The following TMEM182 variants were observed in gnomAD, a reference collection of about 807,000 sequenced individuals.
The protein encoded by TMEM182 is transmembrane protein 182.
In TMEM182, 20 loss-of-function variants were observed where a neutral mutation model predicts 26.8. The ratio of observed to expected loss-of-function variants is 0.75; its 90% CI spans 0.53 to 1.09. TMEM182 has a LOEUF of 1.09. Among genes scored for constraint, TMEM182 ranks in the 50% least tolerant of loss-of-function variants. The pLI, the probability that TMEM182 is intolerant of heterozygous loss-of-function variation, is 0.00. For missense variants in TMEM182, 277 were observed against 275.5 expected, an observed-to-expected ratio of 1.01 and a Z score of -0.04; for synonymous variants, 109 against 102.2, an observed-to-expected ratio of 1.07 and a Z score of -0.40.
intron 3 of TMEM182, among the ~76,000 whole-genome samples, chr2:102,791,707 T>C (rs1286915745): frequency 6.6e-6 from 1 of 152,218 alleles, no homozygotes; most frequent in African/African-American, 2.4e-5. Context: ...TAAATGTATT[T>C]CCATTGTAAA....
At chr2:102,807,713 T>C (rs1027787964) in intron 4 of TMEM182, among the ~76,000 whole-genome samples, 2 of 152,214 alleles carry the variant, frequency 1.3e-5, no homozygotes, top group Admixed American at 1.3e-4. Context: ...GGAATGCACC[T>C]GTGATAGCTG....
chr2:102,754,645 T>C (rs1000792360), intron 1 of TMEM182, among the ~76,000 whole-genome samples: 4 of 152,236 alleles, frequency 2.6e-5, no homozygotes, highest in African/African-American at 9.6e-5. Flanking sequence ...AGCAATGGCA[T>C]GCTTGTGTTT....
intron 2 of TMEM182, among the ~76,000 whole-genome samples, chr2:102,764,048 A>G (rs142364973): frequency 1.1e-4 from 17 of 152,288 alleles, no homozygotes; most frequent in Non-Finnish European, 1.9e-4. Context: ...GAAATGTGGT[A>G]CCTTAAATCG....
intron 4 of TMEM182, among the ~76,000 whole-genome samples, chr2:102,813,189 T>C (rs934994568): frequency 1.3e-5 from 2 of 152,228 alleles, no homozygotes; most frequent in Non-Finnish European, 2.9e-5. Flanking sequence ...TAAACTCCGA[T>C]ACTGACACAC....
In TMEM182 at chr2:102,816,088, A is replaced by T; in HGVS notation, c.*1120A>T. 1 of 985,388 alleles carries T rather than the reference A, an allele frequency of 1.0e-6. No individual in the cohort carries two copies. Among genetic ancestry groups the T allele is most frequent in the South Asian group, 4.7e-5 (1 of 21,276 alleles). The allele number at this position is 985,388 out of a possible 1,614,324, so 61.0% of individuals were successfully genotyped here. On this transcript the variant is annotated 3_prime_UTR_variant, in exon 5 of 5. Transcript: ENST00000412401. Reference sequence around the variant, plus strand: ...CCTAGAAGAAAGTTTTTGTGGGGAAAGATGATTCTGTATTATTCAGTAGCA... The same window carrying T: ...CCTAGAAGAAAGTTTTTGTGGGGAATGATGATTCTGTATTATTCAGTAGCA...
intron 1 of TMEM182, among the ~76,000 whole-genome samples, chr2:102,746,814 C>T (rs904020397): frequency 6.6e-6 from 1 of 152,138 alleles, no homozygotes; most frequent in African/African-American, 2.4e-5. Context: ...GTCTCGAACT[C>T]CTGAACTTAT....
chr2:102,745,120 T>A (rs1320423173), intron 1 of TMEM182, among the ~76,000 whole-genome samples: 1 of 151,974 alleles, frequency 6.6e-6, no homozygotes, highest in African/African-American at 2.4e-5. Context: ...TCACTCTTTT[T>A]TCTTTATGTT....
intron 1 of TMEM182, among the ~76,000 whole-genome samples, chr2:102,746,938 C>A (rs1332375847): frequency 6.6e-6 from 1 of 152,134 alleles, no homozygotes; most frequent in Non-Finnish European, 1.5e-5. Flanking sequence ...TCTTGCTGTT[C>A]TTACTGAATT....
intron 4 of TMEM182, among the ~76,000 whole-genome samples, chr2:102,808,557 A>AT (rs1389562872): frequency 3.3e-5 from 5 of 152,142 alleles, no homozygotes; most frequent in African/African-American, 1.2e-4. Context: ...TCATTACCAT[A>AT]TTTTTCTAAA....
intron 3 of TMEM182, among the ~76,000 whole-genome samples, chr2:102,792,191 T>A (rs1681678157): frequency 6.6e-6 from 1 of 151,840 alleles, no homozygotes; most frequent in South Asian, 2.1e-4. Context: ...CCAACCTAGA[T>A]CCATCAGATT....
At chr2:102,787,757 C>A (rs1202985498) in intron 3 of TMEM182, among the ~76,000 whole-genome samples, 2 of 152,206 alleles carry the variant, frequency 1.3e-5, no homozygotes, top group African/African-American at 4.8e-5. Flanking sequence ...ACACAACAAA[C>A]ATGACTAGTG....
At chr2:102,749,643 A>T (rs1381377450) in intron 1 of TMEM182, among the ~76,000 whole-genome samples, 2 of 152,302 alleles carry the variant, frequency 1.3e-5, no homozygotes, top group East Asian at 1.9e-4. Flanking sequence ...ATCTGGTGTG[A>T]AACAATTTGG....
chr2:102,798,602 G>A (rs1264588169), intron 4 of TMEM182, among the ~76,000 whole-genome samples: 1 of 152,124 alleles, frequency 6.6e-6, no homozygotes, highest in Non-Finnish European at 1.5e-5. Flanking sequence ...ACTTTGGGAG[G>A]CTAAGGTGGG....
intron 1 of TMEM182, among the ~76,000 whole-genome samples, chr2:102,752,136 A>C (rs1433985579): frequency 6.6e-6 from 1 of 151,716 alleles, no homozygotes; most frequent in East Asian, 1.9e-4. Context: ...TGCTTAGGGC[A>C]AAAAGCCCTG....
chr2:102,798,264 C>T (rs969753581), intron 4 of TMEM182, among the ~76,000 whole-genome samples: 3 of 152,098 alleles, frequency 2.0e-5, no homozygotes, highest in Admixed American at 2.0e-4. Flanking sequence ...ACTGTAAGGC[C>T]ATTATTATAA....
chr2:102,754,834 G>GT (rs1357634829), intron 1 of TMEM182, among the ~76,000 whole-genome samples: 1 of 152,160 alleles, frequency 6.6e-6, no homozygotes, highest in Non-Finnish European at 1.5e-5. Flanking sequence ...GAGTTTCAGT[G>GT]TACCTACTGA....
upstream of TMEM182, among the ~76,000 whole-genome samples, chr2:102,760,354 G>A (rs1680169319): frequency 6.6e-6 from 1 of 152,288 alleles, no homozygotes; most frequent in East Asian, 1.9e-4. Context: ...CAATCTCAAA[G>A]GACAGAATAG....
Position 102,817,529 on chromosome 2 carries a change from G to A in TMEM182, c.*2561G>A, listed in dbSNP as rs1449906987. On this transcript the variant is annotated 3_prime_UTR_variant, in exon 5 of 5. Coordinates refer to ENST00000412401, the MANE Select transcript of TMEM182 (RefSeq NM_144632.5). The stretch of plus-strand genomic sequence containing the variant: ...CTACACAGAGAAGTTTAATGATCGT[G>A]TACAATTTGAGGGTTGATGGTAGGG... 4 of 985,234 alleles carry A rather than the reference G, an allele frequency of 4.1e-6. No homozygotes were observed. The highest frequency in any genetic ancestry group is 3.6e-6 in the Non-Finnish European group (3 of 829,918). The allele number at this position is 985,234 out of a possible 1,614,324, so 61.0% of individuals were successfully genotyped here. A position where few individuals can be genotyped will look rare whatever the true frequency, so the allele number is the denominator to read the frequency against.
intron 3 of TMEM182, among the ~76,000 whole-genome samples, chr2:102,835,969 TG>T (rs1683239696): frequency 6.6e-6 from 1 of 151,654 alleles, no homozygotes; most frequent in African/African-American, 2.4e-5. Context: ...AAGGACAGAA[TG>T]TTCTATAGTT....
Sources: allele counts gnomAD v4.1 joint callset (sites outside exome capture counted in the v4.1 genomes callset), GRCh38; gene constraint gnomAD v4.1.1; transcripts MANE v1.5; gene names NCBI Gene and HGNC (gene_info 2026-07-23, HGNC 2026-07-21).